Variants in ALK observed in about 807,000 individuals in gnomAD.
ALK encodes the protein ALK tyrosine kinase receptor.
ALK carries 74 observed loss-of-function variants against 163.1 expected under a neutral mutation model. That is an observed-to-expected ratio of 0.45 (90% CI 0.38 to 0.55). ALK has a LOEUF of 0.55. ALK is among the 20% of genes least tolerant of loss of function. The pLI, the probability that ALK is intolerant of heterozygous loss-of-function variation, is 0.00. For missense variants in ALK, 2,063 were observed against 2,105.3 expected, an observed-to-expected ratio of 0.98 and a Z score of 0.39; for synonymous variants, 960 against 843.2, an observed-to-expected ratio of 1.14 and a Z score of -2.40.
At chr2:29,914,259 C>T (rs1667775889) in intron 1 of ALK, among the ~76,000 whole-genome samples, 1 of 152,216 alleles carries the variant, frequency 6.6e-6, no homozygotes, top group Non-Finnish European at 1.5e-5. Context: ...GAAACTACTA[C>T]ACTTATAACT....
intron 9 of ALK, among the ~76,000 whole-genome samples, chr2:29,295,453 C>CTT (rs1666146459): frequency 1.3e-5 from 2 of 152,194 alleles, no homozygotes; most frequent in African/African-American, 4.8e-5. Context: ...AGACAAAAGA[C>CTT]TAAACTATAG....
chr2:29,721,252 T>C (rs1231202434), intron 1 of ALK, among the ~76,000 whole-genome samples: 1 of 152,196 alleles, frequency 6.6e-6, no homozygotes, highest in East Asian at 1.9e-4. Flanking sequence ...CAGCTTCAGC[T>C]CCAGGGCTCA....
At chr2:29,547,897 C>G (rs4575680) in intron 3 of ALK, among the ~76,000 whole-genome samples, 141,992 of 152,308 alleles carry the variant, frequency 0.93, 66,632 homozygotes, top group Non-Finnish European at 0.98. Context: ...GTGCATTTCA[C>G]ATTAATAACG....
chr2:29,339,283 T>C (rs572248966), intron 5 of ALK, among the ~76,000 whole-genome samples: 1 of 148,792 alleles, frequency 6.7e-6, no homozygotes, highest in East Asian at 2.0e-4. Context: ...GTGGAGGTGA[T>C]ATGTGAGCTG....
chr2:29,544,770 G>T (rs1673508844), intron 3 of ALK, among the ~76,000 whole-genome samples: 1 of 151,960 alleles, frequency 6.6e-6, no homozygotes, highest in South Asian at 2.1e-4. Flanking sequence ...TTACTGCACT[G>T]GTCTCGCTAC....
At chr2:29,823,263 T>G (rs1253096329) in intron 1 of ALK, among the ~76,000 whole-genome samples, 1 of 152,188 alleles carries the variant, frequency 6.6e-6, no homozygotes, top group Non-Finnish European at 1.5e-5. Context: ...TCAAATTTCT[T>G]TATTTTGTGT....
chr2:29,813,821 A>T (rs1208351714), intron 1 of ALK, among the ~76,000 whole-genome samples: 1 of 152,244 alleles, frequency 6.6e-6, no homozygotes, highest in Non-Finnish European at 1.5e-5. Context: ...CATCAGTCCC[A>T]TAAGCAGCTT....
At chr2:29,875,908 T>C (rs755633250) in intron 1 of ALK, among the ~76,000 whole-genome samples, 5 of 152,244 alleles carry the variant, frequency 3.3e-5, no homozygotes, top group Non-Finnish European at 7.3e-5. Context: ...CATGTGCTTT[T>C]AGAGTAGAAT....
intron 3 of ALK, among the ~76,000 whole-genome samples, chr2:29,534,307 T>C (rs1673195607): frequency 6.6e-6 from 1 of 152,130 alleles, no homozygotes; most frequent in African/African-American, 2.4e-5. Context: ...TAAATGCAAA[T>C]TCGAAGTGTT....
At chr2:29,392,710 G>C (rs1224675565) in intron 4 of ALK, among the ~76,000 whole-genome samples, 1 of 152,196 alleles carries the variant, frequency 6.6e-6, no homozygotes, top group Non-Finnish European at 1.5e-5. Context: ...ATGGGGAGGA[G>C]TAGGAGTAGA....
In ALK at chr2:29,921,050, C is replaced by T. The variant is rs1232597369; in HGVS notation, c.-391G>A. The T allele has an allele frequency of 1.8e-5, 5 of 274,860 alleles. No individual in the cohort carries two copies. The highest frequency in any genetic ancestry group is 2.2e-5 in the African/African-American group (1 of 46,508). The allele number at this position is 274,860 out of a possible 1,614,324, so 17.0% of individuals were successfully genotyped here. On this transcript the variant is annotated 5_prime_UTR_variant, in exon 1 of 29. Coordinates refer to ENST00000389048, the MANE Select transcript of ALK (RefSeq NM_004304.5). ...CCTCTCCTGCCCCCCGCAGTCGGAGCTGGGGTCTGTCCCCTCTCGGGGCAG... is the reference window on the plus strand; with the variant it reads ...CCTCTCCTGCCCCCCGCAGTCGGAGTTGGGGTCTGTCCCCTCTCGGGGCAG...
At chr2:29,742,782 T>G (rs764106914) in intron 1 of ALK, among the ~76,000 whole-genome samples, 2 of 152,208 alleles carry the variant, frequency 1.3e-5, no homozygotes, top group East Asian at 3.9e-4. Flanking sequence ...TATTCCCTCC[T>G]TTTTGTTTGC....
chr2:29,476,416 C>T (rs903732534), intron 4 of ALK, among the ~76,000 whole-genome samples: 2 of 152,102 alleles, frequency 1.3e-5, no homozygotes, highest in Non-Finnish European at 2.9e-5. Flanking sequence ...AGGAAAGATA[C>T]ATTATAGAAA....
intron 1 of ALK, among the ~76,000 whole-genome samples, chr2:29,829,533 T>C (rs937511027): frequency 2.0e-5 from 3 of 152,184 alleles, no homozygotes; most frequent in Admixed American, 6.5e-5. Flanking sequence ...CCAAGCAAGT[T>C]TGTGTATACT....
At chr2:29,835,982 G>A (rs1665547303) in intron 1 of ALK, among the ~76,000 whole-genome samples, 1 of 152,130 alleles carries the variant, frequency 6.6e-6, no homozygotes. Context: ...CTTGCCTTGA[G>A]TTGAGACATC....
chr2:29,601,798 G>A (rs1249566485), intron 3 of ALK, among the ~76,000 whole-genome samples: 1 of 152,124 alleles, frequency 6.6e-6, no homozygotes, highest in South Asian at 2.1e-4. Flanking sequence ...TCCAGACCTC[G>A]TCCTGGCATT....
chr2:29,355,117 C>T (rs192495930), intron 5 of ALK, among the ~76,000 whole-genome samples: 44 of 152,324 alleles, frequency 2.9e-4, no homozygotes, highest in African/African-American at 1.0e-3. Flanking sequence ...TCCCTAGCAA[C>T]TGATTGGTTT....
intron 8 of ALK, among the ~76,000 whole-genome samples, chr2:29,304,347 T>C (rs1666446763): frequency 6.6e-6 from 1 of 151,850 alleles, no homozygotes; most frequent in Non-Finnish European, 1.5e-5. Flanking sequence ...AGTACAAAAA[T>C]TAGCCAGGTG....
chr2:29,667,776 G>C (rs796840318), intron 3 of ALK, among the ~76,000 whole-genome samples: 1 of 152,038 alleles, frequency 6.6e-6, no homozygotes, highest in Admixed American at 6.6e-5. Flanking sequence ...GTCTGGTTTT[G>C]CTATCAGGGT....
Sources: gnomAD v4.1 joint callset for allele counts (sites outside exome capture counted in the v4.1 genomes callset) on GRCh38, gnomAD v4.1.1 for gene constraint, MANE v1.5 for transcripts, NCBI Gene and HGNC (gene_info 2026-07-23, HGNC 2026-07-21) for gene names.